The following PTPRD variants were observed in gnomAD, a reference collection of about 807,000 sequenced individuals.
PTPRD encodes protein tyrosine phosphatase receptor type D.
A neutral mutation model predicts 214.5 loss-of-function variants in PTPRD; 34 were observed. That is an observed-to-expected ratio of 0.16 (90% CI 0.12 to 0.21). The LOEUF is 0.21. PTPRD is among the 10% of genes least tolerant of loss of function. The probability of loss-of-function intolerance (pLI) is 1.00; values close to 1 mark genes in which losing one functional copy is unlikely to be tolerated. For synonymous variants in PTPRD, 1,128 were observed against 845.7 expected (o/e 1.33, Z -5.79); for missense variants, 2,545 against 2,398.7 (o/e 1.06, Z -1.27).
At position 8,332,769 on chromosome 9, in the gene PTPRD, C is replaced by T. The variant is rs141822031; in HGVS notation, c.5380-1033G>A. ...ATTGCCCATCAACCTTCTCCCCTGA[C>T]TCATCAGCAGAGAGAAATAATCCAA... On this transcript the variant is annotated intron_variant, in intron 43 of 45. Transcript: ENST00000381196. Among the ~76,000 whole-genome samples, 481 of 152,258 alleles carry T rather than the reference C, an allele frequency of 3.2e-3. 4 individuals carry two copies. Among genetic ancestry groups the T allele is most frequent in the African/African-American group, 0.011 (446 of 41,564 alleles).
intron 3 of PTPRD, among the ~76,000 whole-genome samples, chr9:10,253,297 G>A (rs144306397): frequency 4.3e-4 from 65 of 152,212 alleles, no homozygotes; most frequent in African/African-American, 1.4e-3. Context: ...TCTTCCTAAG[G>A]CCAAGAGAAG....
chr9:10,045,644 C>G (rs934457396), intron 3 of PTPRD, among the ~76,000 whole-genome samples: 4 of 151,542 alleles, frequency 2.6e-5, no homozygotes, highest in Non-Finnish European at 4.4e-5. Context: ...AGCTAATATA[C>G]TCTTAAGATC....
intron 7 of PTPRD, among the ~76,000 whole-genome samples, chr9:9,720,682 T>C (rs1426842383): frequency 1.3e-5 from 2 of 152,094 alleles, no homozygotes; most frequent in African/African-American, 4.8e-5. Flanking sequence ...TTCATAAACA[T>C]ACATACACAG....
intron 14 of PTPRD, among the ~76,000 whole-genome samples, chr9:8,576,787 T>G (rs1253480221): frequency 6.6e-6 from 1 of 152,152 alleles, no homozygotes; most frequent in East Asian, 1.9e-4. Context: ...GCAATCCTAA[T>G]CTCAGTGTAT....
At chr9:9,447,040 C>G (rs536249482) in intron 8 of PTPRD, among the ~76,000 whole-genome samples, 1 of 152,184 alleles carries the variant, frequency 6.6e-6, no homozygotes, top group Non-Finnish European at 1.5e-5. Context: ...GCTGTGGAGA[C>G]AAAGGAACGC....
chr9:9,205,345 A>T (rs1464584448), intron 9 of PTPRD, among the ~76,000 whole-genome samples: 3 of 152,174 alleles, frequency 2.0e-5, no homozygotes, highest in Non-Finnish European at 4.4e-5. Flanking sequence ...ACCAGTTCAC[A>T]TTTAACTACA....
At chr9:9,526,845 T>C (rs868185902) in intron 8 of PTPRD, among the ~76,000 whole-genome samples, 10 of 152,206 alleles carry the variant, frequency 6.6e-5, no homozygotes, top group Non-Finnish European at 1.2e-4. Context: ...TAACTTATAA[T>C]GCTTTATATA....
rs927458304 is a variant in PTPRD at position 9,016,889 on chromosome 9, G to A, written c.-104+1808C>T. On this transcript the variant is annotated intron_variant, in intron 11 of 45. Transcript: ENST00000381196. Reference sequence around the variant, plus strand: ...TTCTCATTTTAAACATGAAAACATTGAGGAGCAGGAAGATAAAGTGGCTCT... The same window carrying A: ...TTCTCATTTTAAACATGAAAACATTAAGGAGCAGGAAGATAAAGTGGCTCT... Among the ~76,000 whole-genome samples the A allele has an allele frequency of 3.9e-5, 6 of 152,154 alleles. No homozygotes were observed. In the East Asian group the frequency reaches 1.2e-3, roughly 29 times the overall value.
chr9:8,539,811 G>A (rs894896304), intron 14 of PTPRD, among the ~76,000 whole-genome samples: 1 of 152,030 alleles, frequency 6.6e-6, no homozygotes, highest in African/African-American at 2.4e-5. Context: ...CTTCCAGGTT[G>A]ACAAGTACAA....
chr9:9,528,084 G>C (rs1207006258), intron 8 of PTPRD, among the ~76,000 whole-genome samples: 1 of 152,164 alleles, frequency 6.6e-6, no homozygotes, highest in Non-Finnish European at 1.5e-5. Flanking sequence ...GTGAAATTGA[G>C]GAAACAGAAA....
chr9:10,227,567 G>C (rs1190614432), intron 3 of PTPRD, among the ~76,000 whole-genome samples: 1 of 151,926 alleles, frequency 6.6e-6, no homozygotes. Flanking sequence ...TTCCAGGCTA[G>C]ATAAGGTGAT....
At chr9:8,932,055 TC>T (rs1397345213) in intron 11 of PTPRD, among the ~76,000 whole-genome samples, 1 of 152,206 alleles carries the variant, frequency 6.6e-6, no homozygotes, top group Non-Finnish European at 1.5e-5. Context: ...TTCTCTCTTT[TC>T]TTCTTTAGTA....
intron 43 of PTPRD, among the ~76,000 whole-genome samples, chr9:8,337,771 C>T (rs1031972941): frequency 1.3e-5 from 2 of 151,910 alleles, no homozygotes; most frequent in Non-Finnish European, 2.9e-5. Flanking sequence ...ATTGGTGGGG[C>T]CTGGTGCCTT....
At chr9:8,756,863 A>G (rs906262989) in intron 11 of PTPRD, among the ~76,000 whole-genome samples, 2 of 152,160 alleles carry the variant, frequency 1.3e-5, no homozygotes, top group East Asian at 1.9e-4. Context: ...AAACCAGGCC[A>G]GGCGCTGTGG....
intron 45 of PTPRD, 22 bp from the exon 46 acceptor site, chr9:8,317,964 G>A (rs893115107): frequency 6.2e-7 from 1 of 1,606,408 alleles, no homozygotes; most frequent in Admixed American, 1.7e-5. Context: ...AATGAATGGG[G>A]AGAAGCAAAA....
intron 9 of PTPRD, among the ~76,000 whole-genome samples, chr9:9,380,019 T>C (rs1386918780): frequency 6.6e-6 from 1 of 152,040 alleles, no homozygotes; most frequent in African/African-American, 2.4e-5. Flanking sequence ...TTTAATTTCG[T>C]CTTGTTACAT....
At chr9:9,832,182 A>G (rs1315039001) in intron 5 of PTPRD, among the ~76,000 whole-genome samples, 4 of 152,048 alleles carry the variant, frequency 2.6e-5, no homozygotes, top group South Asian at 2.1e-4. Context: ...CAAGCTAGTG[A>G]AAAACACCGT....
At chr9:9,949,222 T>A (rs1307093492) in intron 4 of PTPRD, among the ~76,000 whole-genome samples, 1 of 152,120 alleles carries the variant, frequency 6.6e-6, no homozygotes, top group Non-Finnish European at 1.5e-5. Flanking sequence ...TTTTTTATAT[T>A]TTCCACAAAA....
intron 39 of PTPRD, among the ~76,000 whole-genome samples, chr9:8,374,604 G>A (rs1001245364): frequency 6.6e-6 from 1 of 151,940 alleles, no homozygotes; most frequent in East Asian, 1.9e-4. Context: ...AGTACTTGAA[G>A]CAAACTTTGT....
Sources: gnomAD v4.1 joint callset for allele counts (sites outside exome capture counted in the v4.1 genomes callset) on GRCh38, gnomAD v4.1.1 for gene constraint, MANE v1.5 for transcripts, NCBI Gene and HGNC (gene_info 2026-07-23, HGNC 2026-07-21) for gene names.